Variants in KCNJ6 observed in about 807,000 individuals in gnomAD.
The protein encoded by KCNJ6 is potassium inwardly rectifying channel subfamily J member 6, also known as G protein-activated inward rectifier potassium channel 2.
A neutral mutation model predicts 34.2 loss-of-function variants in KCNJ6; 9 were observed. The ratio of observed to expected loss-of-function variants is 0.26; its 90% CI spans 0.16 to 0.46. KCNJ6 has a LOEUF of 0.46. Ranked by LOEUF, KCNJ6 falls within the 20% of genes least tolerant of loss-of-function variation. The pLI, the probability that KCNJ6 is intolerant of heterozygous loss-of-function variation, is 1.00. For missense variants in KCNJ6, 236 were observed against 531.3 expected, an observed-to-expected ratio of 0.44 and a Z score of 5.46; for synonymous variants, 196 against 207.1, an observed-to-expected ratio of 0.95 and a Z score of 0.46.
Position 37,897,329 on chromosome 21 carries a change from G to C in KCNJ6, c.-28+18555C>G, listed in dbSNP as rs568302678. 2.3e-3 allele frequency among the ~76,000 whole-genome samples: 347 copies of C among 152,290 alleles called. 2 individuals carry two copies. The highest frequency in any genetic ancestry group is 8.0e-3 in the African/African-American group (332 of 41,564). ...CAGTGTTGTTCAGTCCTGGCTGGAA[G>C]GTGTGTGCACAGTGACCCCCGATGA... On this transcript the variant is annotated intron_variant, in intron 1 of 3. Coordinates refer to ENST00000609713, the MANE Select transcript of KCNJ6 (RefSeq NM_002240.5).
rs182936756 is a variant in KCNJ6, at chr21:37,892,333, G to A, written c.-28+23551C>T. On this transcript the variant is annotated intron_variant, in intron 1 of 3. Transcript: ENST00000609713. ...GAACAGCACTGATGTGGTCCTGGCT[G>A]ATCGTAAAGTCACCTACCTCAGTTT... Among the ~76,000 whole-genome samples, 17 of 152,334 alleles carry A rather than the reference G, an allele frequency of 1.1e-4. No individual in the cohort carries two copies. The East Asian group carries it at 2.9e-3, about 26-fold the overall frequency.
At chr21:37,883,666 G>A (rs942733955) in intron 1 of KCNJ6, among the ~76,000 whole-genome samples, 3 of 152,126 alleles carry the variant, frequency 2.0e-5, no homozygotes, top group Non-Finnish European at 4.4e-5. Context: ...AGACAGGCAC[G>A]GGTCTGAATC....
In KCNJ6 at chr21:37,732,028, G is replaced by A. The variant is rs1020881364; in HGVS notation, c.26-16897C>T. On this transcript the variant is annotated intron_variant, in intron 2 of 3. Transcript: ENST00000609713. Reference sequence around the variant, plus strand: ...GAAGCTGCAAGACACACTCATCTTAGATGAGGAAGGGAGATGGCAGCGTGG... The same window carrying A: ...GAAGCTGCAAGACACACTCATCTTAAATGAGGAAGGGAGATGGCAGCGTGG... Among the ~76,000 whole-genome samples the A allele has an allele frequency of 1.2e-4, 18 of 152,350 alleles. 1 individual carries two copies. Among genetic ancestry groups the A allele is most frequent in the Admixed American group, 9.8e-4 (15 of 15,310 alleles).
At chr21:37,817,689 G>A (rs4575801) in intron 2 of KCNJ6, among the ~76,000 whole-genome samples, 2 of 152,188 alleles carry the variant, frequency 1.3e-5, no homozygotes, top group African/African-American at 4.8e-5. Context: ...TCCTGGTTCA[G>A]AAATAACCGC....
chr21:37,893,464 C>A (rs2055772741), intron 1 of KCNJ6, among the ~76,000 whole-genome samples: 1 of 152,144 alleles, frequency 6.6e-6, no homozygotes, highest in South Asian at 2.1e-4. Flanking sequence ...CCTTGGCCTC[C>A]CAAAGTGCTG....
rs34782067 is a variant in KCNJ6 at position 37,610,620 on chromosome 21, A to AAAAAAAAAAAAAAAAAAAAAAAG, written c.*14538_*14539insCTTTTTTTTTTTTTTTTTTTTTT. 6.7e-6 allele frequency: 1 copy of AAAAAAAAAAAAAAAAAAAAAAAG among 149,528 alleles called. No homozygotes were observed. Among genetic ancestry groups the AAAAAAAAAAAAAAAAAAAAAAAG allele is most frequent in the African/African-American group, 2.5e-5 (1 of 40,772 alleles). The allele number at this position is 149,528 out of a possible 1,614,324, so 9.3% of individuals were successfully genotyped here. A position where few individuals can be genotyped will look rare whatever the true frequency, so the allele number is the denominator to read the frequency against. ...TCTTAAAAAAAAAAAAAAAAAAAAAAGGAATACAAGTCCTACAATGTTTGC... is the reference window on the plus strand; with the variant it reads ...TCTTAAAAAAAAAAAAAAAAAAAAAAAAAAAAAAAAAAAAAAAAAAAAGGGAATACAAGTCCTACAATGTTTGC... On this transcript the variant is annotated 3_prime_UTR_variant, in exon 4 of 4. Coordinates refer to ENST00000609713, the MANE Select transcript of KCNJ6 (RefSeq NM_002240.5).
chr21:37,827,184 G>A lies in KCNJ6; in HGVS notation c.25+13474C>T, dbSNP rs2055403297. On this transcript the variant is annotated intron_variant, in intron 2 of 3. Transcript: ENST00000609713. ...GGTTTGACTTCAGGAAATCAAAAGT[G>A]TGCTTTATCTCCCTGAATTCTGTGA... is the stretch of plus-strand genomic sequence containing the variant. 2.0e-5 allele frequency among the ~76,000 whole-genome samples: 3 copies of A among 152,166 alleles called. No individual in the cohort carries two copies. In the South Asian group the frequency reaches 6.2e-4, roughly 31 times the overall value.
At chr21:37,731,822 G>C (rs2054886989) in intron 2 of KCNJ6, among the ~76,000 whole-genome samples, 1 of 152,210 alleles carries the variant, frequency 6.6e-6, no homozygotes, top group African/African-American at 2.4e-5. Flanking sequence ...GCAGTGAGAA[G>C]GCGGAGGAGT....
rs2054261118 is a variant in KCNJ6 at position 37,615,035 on chromosome 21, C to T, written c.*10124G>A. ...TGTTGTCACAGAATTAGAAAATACA[C>T]AGAAGAAATTCTTACAGTGCAGTTG... is the stretch of plus-strand genomic sequence containing the variant. On this transcript the variant is annotated 3_prime_UTR_variant, in exon 4 of 4. Transcript: ENST00000609713. 6.6e-6 allele frequency: 1 copy of T among 152,130 alleles called. No individual in the cohort carries two copies. Among genetic ancestry groups the T allele is most frequent in the South Asian group, 2.1e-4 (1 of 4,824 alleles). 9.4% of individuals were successfully genotyped at this position (152,130 alleles called of 1,614,324 possible).
At chr21:37,643,153 G>A (rs1050452221) in intron 3 of KCNJ6, among the ~76,000 whole-genome samples, 1 of 152,182 alleles carries the variant, frequency 6.6e-6, no homozygotes, top group Non-Finnish European at 1.5e-5. Flanking sequence ...ATGGGCTCCA[G>A]TCCTAGTATG....
intron 1 of KCNJ6, among the ~76,000 whole-genome samples, chr21:37,863,171 T>C (rs2055603396): frequency 6.6e-6 from 1 of 152,378 alleles, no homozygotes. Flanking sequence ...ATTAATATTT[T>C]AGGCACAGTA....
Position 37,618,002 on chromosome 21 carries a change from G to C in KCNJ6, c.*7157C>G, listed in dbSNP as rs2054278684. 1 of 152,304 alleles carries C rather than the reference G, an allele frequency of 6.6e-6. No individual in the cohort carries two copies. Among genetic ancestry groups the C allele is most frequent in the African/African-American group, 2.4e-5 (1 of 41,450 alleles). The allele number at this position is 152,304 out of a possible 1,614,324, so 9.4% of individuals were successfully genotyped here. A position where few individuals can be genotyped will look rare whatever the true frequency, so the allele number is the denominator to read the frequency against. On this transcript the variant is annotated 3_prime_UTR_variant, in exon 4 of 4. Coordinates refer to ENST00000609713, the MANE Select transcript of KCNJ6 (RefSeq NM_002240.5). ...ATGGGCAAGAGCCAGACCCTGCAGG[G>C]AGAAGCTCCCCTAGAGAGACCTCAG...
intron 2 of KCNJ6, among the ~76,000 whole-genome samples, chr21:37,762,415 T>A (rs531167099): frequency 6.6e-6 from 1 of 152,272 alleles, no homozygotes; most frequent in East Asian, 1.9e-4. Flanking sequence ...TAGAAATTTT[T>A]AAAAACCACG....
At chr21:37,748,845 G>A (rs1390100258) in intron 2 of KCNJ6, among the ~76,000 whole-genome samples, 2 of 152,152 alleles carry the variant, frequency 1.3e-5, no homozygotes, top group Non-Finnish European at 2.9e-5. Flanking sequence ...CGGGAGCCCA[G>A]GAAGCTGCAA....
rs142157685 is a variant in KCNJ6 at position 37,818,221 on chromosome 21, T to C, written c.25+22437A>G. ...GTGTGTGTGTGCGTGCGTGTGTGTG[T>C]GTGTGTGTGTGTGTGTGTGTGTGTA... On this transcript the variant is annotated intron_variant, in intron 2 of 3. Transcript: ENST00000609713. Among the ~76,000 whole-genome samples the C allele has an allele frequency of 3.2e-3, 122 of 38,230 alleles. No individual in the cohort carries two copies. The East Asian group carries it at 0.074, about 23-fold the overall frequency. The allele number at this position is 38,230 out of a possible 152,430, so 25.1% of individuals were successfully genotyped here.
chr21:37,751,448 C>A (rs185154390), intron 2 of KCNJ6, among the ~76,000 whole-genome samples: 6 of 152,316 alleles, frequency 3.9e-5, no homozygotes, highest in Admixed American at 3.9e-4. Context: ...TTATTGTTAT[C>A]AGTATTATGT....
At chr21:37,797,745 T>A (rs966381527) in intron 2 of KCNJ6, among the ~76,000 whole-genome samples, 2 of 151,936 alleles carry the variant, frequency 1.3e-5, no homozygotes, top group African/African-American at 4.8e-5. Context: ...AGAGGTGAAA[T>A]GAAAGAGGGG....
At chr21:37,736,097 C>T (rs961845178) in intron 2 of KCNJ6, among the ~76,000 whole-genome samples, 1 of 152,182 alleles carries the variant, frequency 6.6e-6, no homozygotes, top group African/African-American at 2.4e-5. Flanking sequence ...CTGAAACGTA[C>T]ATACCTGATG....
At chr21:37,870,346 T>C (rs951426915) in intron 1 of KCNJ6, among the ~76,000 whole-genome samples, 1 of 151,838 alleles carries the variant, frequency 6.6e-6, no homozygotes, top group African/African-American at 2.4e-5. Flanking sequence ...TAAACAGAGA[T>C]CGCAGGAGTG....
Sources: allele counts gnomAD v4.1 joint callset (sites outside exome capture counted in the v4.1 genomes callset), GRCh38; gene constraint gnomAD v4.1.1; transcripts MANE v1.5; gene names NCBI Gene and HGNC (gene_info 2026-07-23, HGNC 2026-07-21).